The following SAMMSON variants were observed in gnomAD, a reference collection of about 807,000 sequenced individuals.
The protein encoded by SAMMSON is long intergenic non-protein coding RNA 1212.
chr3:70,367,979 G>T (rs1247202578), intron 9 of SAMMSON, among the ~76,000 whole-genome samples: 3 of 148,982 alleles, frequency 2.0e-5, no homozygotes, highest in Non-Finnish European at 4.5e-5. Context: ...TTTTATTGTT[G>T]AGTTTGAAGA....
At chr3:70,038,173 G>A (rs909248321) in intron 3 of SAMMSON, among the ~76,000 whole-genome samples, 1 of 152,134 alleles carries the variant, frequency 6.6e-6, no homozygotes, top group African/African-American at 2.4e-5. Context: ...TCCCCAATGT[G>A]GCAGTGTTGT....
At chr3:70,387,970 T>TA (rs1295291048) in intron 9 of SAMMSON, among the ~76,000 whole-genome samples, 2 of 116,188 alleles carry the variant, frequency 1.7e-5, no homozygotes, top group Non-Finnish European at 3.6e-5. Context: ...TTGAGCCTAT[T>TA]TTTTTTGGTT....
intron 3 of SAMMSON, among the ~76,000 whole-genome samples, chr3:70,050,883 C>T (rs1256199173): frequency 3.3e-5 from 5 of 151,906 alleles, no homozygotes; most frequent in Admixed American, 6.6e-5. Flanking sequence ...CACCTGTAAT[C>T]GCAACACTTT....
At chr3:70,174,909 C>T (rs912865873) in intron 4 of SAMMSON, among the ~76,000 whole-genome samples, 1 of 152,024 alleles carries the variant, frequency 6.6e-6, no homozygotes, top group Non-Finnish European at 1.5e-5. Context: ...GTTTATTTCC[C>T]AAATTCTAAT....
At chr3:70,022,783 A>G (rs1246149940) in intron 3 of SAMMSON, among the ~76,000 whole-genome samples, 2 of 152,210 alleles carry the variant, frequency 1.3e-5, no homozygotes, top group African/African-American at 4.8e-5. Context: ...AAAAGATTCA[A>G]GTTTCATTTG....
intron 1 of SAMMSON, chr3:70,009,318 C>A (rs1440007157): frequency 6.6e-6 from 1 of 151,976 alleles, no homozygotes; most frequent in Non-Finnish European, 1.5e-5. Context: ...AATTTCAGAG[C>A]CTGTTATTGG....
At chr3:70,150,496 A>C (rs544841806) in intron 4 of SAMMSON, among the ~76,000 whole-genome samples, 3 of 152,232 alleles carry the variant, frequency 2.0e-5, no homozygotes, top group African/African-American at 7.2e-5. Context: ...TAGTTAAAAT[A>C]CTGCAAAATA....
chr3:70,273,742 T>C (rs1367774953), intron 6 of SAMMSON, among the ~76,000 whole-genome samples: 1 of 152,164 alleles, frequency 6.6e-6, no homozygotes, highest in Non-Finnish European at 1.5e-5. Context: ...AAAGAGTAGC[T>C]TTTTCAGATT....
chr3:70,331,007 T>A (rs1702617700), intron 7 of SAMMSON, among the ~76,000 whole-genome samples: 3 of 152,186 alleles, frequency 2.0e-5, no homozygotes, highest in Admixed American at 1.3e-4. Flanking sequence ...TTTCACTTTA[T>A]TTATGTTGAT....
At chr3:70,209,424 C>T (rs1426986919) in intron 4 of SAMMSON, among the ~76,000 whole-genome samples, 1 of 152,012 alleles carries the variant, frequency 6.6e-6, no homozygotes, top group African/African-American at 2.4e-5. Context: ...ATGTCAAGTT[C>T]TATGTTACCG....
intron 4 of SAMMSON, among the ~76,000 whole-genome samples, chr3:70,214,581 C>T (rs558755488): frequency 1.2e-3 from 175 of 145,742 alleles, no homozygotes; most frequent in Middle Eastern, 3.6e-3. Context: ...TGCAAAGCAA[C>T]TTCAATTTTT....
intron 3 of SAMMSON, among the ~76,000 whole-genome samples, chr3:70,051,134 CAAAAAAAAAAAAAAA>C (rs71126477): frequency 4.4e-5 from 2 of 45,234 alleles, no homozygotes; most frequent in East Asian, 6.5e-4. Flanking sequence ...TACTCCATCT[CAAAAAAAAAAAAAAA>C]AAAAAAAAAA....
intron 4 of SAMMSON, among the ~76,000 whole-genome samples, chr3:70,136,518 T>C (rs1489267334): frequency 1.3e-5 from 2 of 152,218 alleles, no homozygotes; most frequent in Non-Finnish European, 1.5e-5. Context: ...AGCTTGTCTG[T>C]GCCTCTTGAG....
intron 9 of SAMMSON, among the ~76,000 whole-genome samples, chr3:70,363,580 A>C (rs1432922000): frequency 6.6e-6 from 1 of 152,072 alleles, no homozygotes; most frequent in Non-Finnish European, 1.5e-5. Flanking sequence ...TAACTATTAA[A>C]ATAGAAGAGG....
At chr3:70,135,025 G>T (rs1283404967) in intron 4 of SAMMSON, among the ~76,000 whole-genome samples, 1 of 152,116 alleles carries the variant, frequency 6.6e-6, no homozygotes, top group Non-Finnish European at 1.5e-5. Context: ...ATTTTTATCT[G>T]CACTAAAGAA....
At chr3:70,250,354 C>T (rs1442302678) in intron 6 of SAMMSON, among the ~76,000 whole-genome samples, 1 of 151,688 alleles carries the variant, frequency 6.6e-6, no homozygotes, top group African/African-American at 2.4e-5. Flanking sequence ...ATTGAGAAGT[C>T]ATGCCCTGTG....
intron 7 of SAMMSON, among the ~76,000 whole-genome samples, chr3:70,339,672 A>G (rs1702694900): frequency 1.3e-5 from 2 of 152,244 alleles, no homozygotes; most frequent in African/African-American, 4.8e-5. Context: ...GTCACTGGCC[A>G]TCAGAGAAAT....
intron 4 of SAMMSON, among the ~76,000 whole-genome samples, chr3:70,107,895 T>G (rs1165367741): frequency 6.6e-6 from 1 of 152,136 alleles, no homozygotes; most frequent in African/African-American, 2.4e-5. Context: ...TTAGGTGAGA[T>G]GGGAAGGATA....
At chr3:70,006,962 A>G (rs2066929973) in intron 1 of SAMMSON, among the ~76,000 whole-genome samples, 3 of 151,828 alleles carry the variant, frequency 2.0e-5, no homozygotes, top group South Asian at 4.2e-4. Context: ...CCATGTCCCT[A>G]CAAAGGACAT....
Sources: gnomAD v4.1 joint callset for allele counts (sites outside exome capture counted in the v4.1 genomes callset) on GRCh38, gnomAD v4.1.1 for gene constraint, MANE v1.5 for transcripts, NCBI Gene and HGNC (gene_info 2026-07-23, HGNC 2026-07-21) for gene names.